The following EHD3 variants were observed in gnomAD, a reference collection of about 807,000 sequenced individuals.
EHD3 encodes the protein EH domain-containing protein 3.
EHD3 carries 17 observed loss-of-function variants against 43.0 expected under a neutral mutation model. The observed-to-expected ratio is 0.40, with a 90% confidence interval of 0.27 to 0.59. EHD3 has a LOEUF of 0.59. Ranked by LOEUF, EHD3 falls within the 20% of genes least tolerant of loss-of-function variation. The pLI is 0.49. For synonymous variants in EHD3, 313 were observed against 289.5 expected, an observed-to-expected ratio of 1.08 and a Z score of -0.82; for missense variants, 594 against 705.6, an observed-to-expected ratio of 0.84 and a Z score of 1.79.
intron 5 of EHD3, among the ~76,000 whole-genome samples, chr2:31,264,890 T>C (rs927449717): frequency 2.2e-4 from 34 of 152,220 alleles, no homozygotes; most frequent in African/African-American, 8.2e-4. Flanking sequence ...TGTATATCTA[T>C]ACACAAATAT....
chr2:31,252,613 G>C (rs889598100), intron 3 of EHD3, among the ~76,000 whole-genome samples: 1 of 152,028 alleles, frequency 6.6e-6, no homozygotes, highest in Non-Finnish European at 1.5e-5. Context: ...TAGCTGGGAC[G>C]ACAGGCATGC....
At chr2:31,238,403 G>A (rs1003000456) in intron 1 of EHD3, among the ~76,000 whole-genome samples, 2 of 152,236 alleles carry the variant, frequency 1.3e-5, no homozygotes, top group African/African-American at 2.4e-5. Context: ...TTGCCACAGC[G>A]TCTATTTCTT....
intron 1 of EHD3, among the ~76,000 whole-genome samples, chr2:31,237,485 A>C (rs147908236): frequency 0.041 from 6,177 of 152,104 alleles, 167 homozygotes; most frequent in Non-Finnish European, 0.062. Context: ...GCTCAGTGCA[A>C]CCTCCGCCTC....
In EHD3 at chr2:31,260,819, T is replaced by C; in HGVS notation, c.812T>C (p.Phe271Ser). The C allele has an allele frequency of 6.2e-7, 1 of 1,614,172 alleles. No homozygotes were observed. Among genetic ancestry groups the C allele is most frequent in the Non-Finnish European group, 8.5e-7 (1 of 1,180,022 alleles). ...CTCATCCCTGACAACCGGAAGCTCT[T>C]TGAGGCTGAGGAACAGGACCTATTC... ...PLLIPDNRKLFEAEEQDLFRD... is the reference protein window; with the variant it reads ...PLLIPDNRKLSEAEEQDLFRD... Residue 271 changes from phenylalanine to serine, a missense_variant, in exon 4 of 6, where the codon TTT becomes TCT. Transcript: ENST00000322054. This position sits in a 1 kb window ranked among gnomAD's most constrained non-coding sequence, Gnocchi z 4.6.
intron 3 of EHD3, among the ~76,000 whole-genome samples, chr2:31,258,877 G>C (rs1683799000): frequency 6.6e-6 from 1 of 150,680 alleles, no homozygotes; most frequent in Non-Finnish European, 1.5e-5. Flanking sequence ...TTTGGGGATA[G>C]AGTCCAACCA....
rs1489036039 is a variant in EHD3, at chr2:31,244,419, C to G, written c.373C>G (p.Leu125Val). Residue 125 changes from leucine (L) to valine (V), a missense_variant, in exon 2 of 6, where the codon CTC (leucine) becomes GTC (valine). By Grantham distance (32) the Leu-to-Val change is conservative (BLOSUM62 1). Transcript: ENST00000322054. ...GGATCCCAAGAAACCCTTCAGGAAA[C>G]TCAACGCCTTTGGCAACGCCTTCTT... ...VVDPKKPFRK[L>V]NAFGNAFLNR... 1 of 1,614,168 alleles carries G rather than the reference C, an allele frequency of 6.2e-7. No individual in the cohort carries two copies. Among genetic ancestry groups the G allele is most frequent in the Admixed American group, 1.7e-5 (1 of 60,028 alleles).
At position 31,234,743 on chromosome 2, in the gene EHD3, G is replaced by A. The variant is rs763234044; in HGVS notation, c.122G>A (p.Arg41His). Residue 41 changes from arginine to histidine, a missense_variant, in exon 1 of 6, where the codon CGC (arginine) becomes CAC (histidine). Arg to His is a conservative substitution (Grantham distance 29, BLOSUM62 0). Coordinates refer to ENST00000322054, the MANE Select transcript of EHD3 (RefSeq NM_014600.3). ...CTGCTGCCCTTGGAAGAGCATTACC[G>A]CTTCCACGAGTTCCACTCGCCCGCC... Reference protein sequence around the residue: ...SKLLPLEEHYRFHEFHSPALE... With the variant: ...SKLLPLEEHYHFHEFHSPALE... 15 of 1,614,072 alleles carry A rather than the reference G, an allele frequency of 9.3e-6. No individual in the cohort carries two copies. In the East Asian group the frequency reaches 3.3e-4, roughly 36 times the overall value.
intron 3 of EHD3, among the ~76,000 whole-genome samples, chr2:31,255,166 CCAG>C (rs1401488735): frequency 6.6e-6 from 1 of 152,208 alleles, no homozygotes; most frequent in African/African-American, 2.4e-5. Flanking sequence ...CCTCTTAGAG[CCAG>C]CAGACTTGTG....
At chr2:31,255,514 T>C (rs1185205068) in intron 3 of EHD3, among the ~76,000 whole-genome samples, 1 of 152,212 alleles carries the variant, frequency 6.6e-6, no homozygotes, top group African/African-American at 2.4e-5. Flanking sequence ...ATTTGCCAAA[T>C]AAATGAGAAA....
Position 31,260,955 on chromosome 2 carries a change from G to A in EHD3, c.915+33G>A. ...AGCCCCCTGGGAGGTGGGCAGCTTGGGCAGGGGCCCAGAGTTTGGGGTCAG... is the reference window on the plus strand; with the variant it reads ...AGCCCCCTGGGAGGTGGGCAGCTTGAGCAGGGGCCCAGAGTTTGGGGTCAG... On this transcript the variant is annotated intron_variant, in intron 4 of 5. Coordinates refer to ENST00000322054, the MANE Select transcript of EHD3 (RefSeq NM_014600.3). The surrounding 1 kb of genome is among the most constrained non-coding windows in gnomAD (Gnocchi z 4.6). The A allele has an allele frequency of 2.6e-6, 4 of 1,559,218 alleles. No homozygotes were observed. Among genetic ancestry groups the A allele is most frequent in the Non-Finnish European group, 3.5e-6 (4 of 1,155,608 alleles).
intron 1 of EHD3, among the ~76,000 whole-genome samples, chr2:31,238,932 G>A (rs1328305335): frequency 1.3e-5 from 2 of 152,148 alleles, no homozygotes; most frequent in Non-Finnish European, 2.9e-5. Context: ...GGGAGGCTGG[G>A]CTGGTCTGGA....
intron 4 of EHD3, 59 bp from the exon 5 acceptor site, chr2:31,261,490 G>A (rs972217334): frequency 3.8e-6 from 6 of 1,588,020 alleles, no homozygotes; most frequent in Non-Finnish European, 5.2e-6. Context: ...AGCCATCCTA[G>A]AAGGAAGGGA....
Position 31,234,443 on chromosome 2 carries a change from C to G in EHD3, c.-179C>G. On this transcript the variant is annotated 5_prime_UTR_variant, in exon 1 of 6. Transcript: ENST00000322054. ...CAGCGGCTGGGCTTGGTCCCAGGAG[C>G]AGGGAGAGTGCGCTCCCGGCCCTCC... 1 of 640,220 alleles carries G rather than the reference C, an allele frequency of 1.6e-6. No individual in the cohort carries two copies. The highest frequency in any genetic ancestry group is 2.8e-5 in the East Asian group (1 of 36,056). 39.7% of individuals were successfully genotyped at this position (640,220 alleles called of 1,614,324 possible). A position where few individuals can be genotyped will look rare whatever the true frequency, so the allele number is the denominator to read the frequency against.
chr2:31,259,653 G>T (rs537154716), intron 3 of EHD3, among the ~76,000 whole-genome samples: 1 of 152,330 alleles, frequency 6.6e-6, no homozygotes, highest in African/African-American at 2.4e-5. Flanking sequence ...ACAAAGGAAA[G>T]AGCCTGAGTG....
chr2:31,234,798 C>T lies in EHD3; in HGVS notation c.177C>T (p.Pro59=), dbSNP rs1267350431. ...AGGATGCCGACTTCGACAACAAGCCCATGGTTCTGCTGGTGGGCCAGTACT... is the reference window on the plus strand; with the variant it reads ...AGGATGCCGACTTCGACAACAAGCCTATGGTTCTGCTGGTGGGCCAGTACT... ...ALEDADFDNK[P]MVLLVGQYST... The change falls in exon 1 of 6, where the codon CCC becomes CCT. Residue 59 remains proline, a synonymous_variant. Transcript: ENST00000322054. 2 of 1,614,084 alleles carry T rather than the reference C, an allele frequency of 1.2e-6. No homozygotes were observed. The highest frequency in any genetic ancestry group is 2.2e-5 in the East Asian group (1 of 44,882).
intron 3 of EHD3, among the ~76,000 whole-genome samples, chr2:31,253,872 G>A (rs1683688529): frequency 6.6e-6 from 1 of 152,182 alleles, no homozygotes; most frequent in African/African-American, 2.4e-5. Flanking sequence ...GTGGCAGGAT[G>A]TGCCCCAGCC....
At chr2:31,247,295 G>T (rs1038840333) in intron 2 of EHD3, among the ~76,000 whole-genome samples, 12 of 151,562 alleles carry the variant, frequency 7.9e-5, no homozygotes. Context: ...CCATGTTTTG[G>T]TTTTTTGTTT....
intron 2 of EHD3, among the ~76,000 whole-genome samples, chr2:31,245,553 A>ATATATATATATATTTTTTT (rs1446415610): frequency 1.4e-4 from 5 of 35,066 alleles, no homozygotes; most frequent in African/African-American, 3.6e-4. Context: ...ATATATATAT[A>ATATATATATATATTTTTTT]TTTTTTTTTT....
chr2:31,254,189 A>G (rs1683693193), intron 3 of EHD3, among the ~76,000 whole-genome samples: 1 of 152,114 alleles, frequency 6.6e-6, no homozygotes, highest in Non-Finnish European at 1.5e-5. Flanking sequence ...TTCTCAGCAC[A>G]TTATCATCAC....
Sources: gnomAD v4.1 joint callset for allele counts (sites outside exome capture counted in the v4.1 genomes callset) on GRCh38, gnomAD v4.1.1 for gene constraint, Gnocchi (gnomAD v3.1) non-coding constraint, MANE v1.5 for transcripts, NCBI Gene and HGNC (gene_info 2026-07-23, HGNC 2026-07-21) for gene names.